The following PHTF2 variants were observed in gnomAD, a reference collection of about 807,000 sequenced individuals.
The protein encoded by PHTF2 is protein PHTF2.
In PHTF2, 60 loss-of-function variants were observed where a neutral mutation model predicts 101.2. The ratio of observed to expected loss-of-function variants is 0.59; its 90% CI spans 0.48 to 0.73. PHTF2 has a LOEUF of 0.73. PHTF2 is among the 30% of genes least tolerant of loss of function. PHTF2 has a pLI of 0.00. For synonymous variants in PHTF2, 311 were observed against 307.3 expected (o/e 1.01, Z -0.13); for missense variants, 747 against 908.7 (o/e 0.82, Z 2.29).
chr7:77,861,512 T>C lies in PHTF2; in HGVS notation c.147+6678T>C, dbSNP rs527999827. Reference sequence around the variant, plus strand: ...ACCATTTTCTAATATTTTCCTGATTTGTGGTGGTTATTGTCTATTATGACT... The same window carrying C: ...ACCATTTTCTAATATTTTCCTGATTCGTGGTGGTTATTGTCTATTATGACT... On this transcript the variant is annotated intron_variant, in intron 3 of 19. Coordinates refer to ENST00000416283, the Ensembl canonical transcript of PHTF2. Among the ~76,000 whole-genome samples, 6 of 152,322 alleles carry C rather than the reference T, an allele frequency of 3.9e-5. No homozygotes were observed. The East Asian group carries it at 1.2e-3, about 29-fold the overall frequency.
At chr7:77,907,629 A>G (rs1279624917) in intron 7 of PHTF2, among the ~76,000 whole-genome samples, 1 of 152,160 alleles carries the variant, frequency 6.6e-6, no homozygotes, top group Non-Finnish European at 1.5e-5. Flanking sequence ...TAGATGGTAA[A>G]TTACATGGTC....
intron 3 of PHTF2, among the ~76,000 whole-genome samples, chr7:77,857,145 A>G (rs559595163): frequency 6.6e-6 from 1 of 152,298 alleles, no homozygotes; most frequent in Admixed American, 6.5e-5. Flanking sequence ...GCAGTGACCT[A>G]AGCTGTCCTT....
chr7:77,889,577 CTT>C (rs1167785916), intron 3 of PHTF2, among the ~76,000 whole-genome samples: 3 of 117,928 alleles, frequency 2.5e-5, no homozygotes, highest in African/African-American at 6.2e-5. Flanking sequence ...GTAGTATTTT[CTT>C]TTTTTTTTTT....
At chr7:77,871,044 C>T (rs183468573) in intron 3 of PHTF2, among the ~76,000 whole-genome samples, 7 of 152,324 alleles carry the variant, frequency 4.6e-5, no homozygotes, top group Admixed American at 3.3e-4. Context: ...ATCGTGTGGT[C>T]GTAGCTGGTA....
chr7:77,917,343 T>A (rs1402051861), intron 9 of PHTF2, among the ~76,000 whole-genome samples: 2 of 152,186 alleles, frequency 1.3e-5, no homozygotes, highest in Non-Finnish European at 2.9e-5. Flanking sequence ...GAGTAGTATA[T>A]AGAAACCAAA....
intron 2 of PHTF2, among the ~76,000 whole-genome samples, chr7:77,853,706 AT>A (rs1191960353): frequency 1.3e-5 from 2 of 151,230 alleles, no homozygotes; most frequent in African/African-American, 2.4e-5. Flanking sequence ...TCAGCTCTAG[AT>A]TTTTTTTTCT....
Position 77,901,931 on chromosome 7 carries a change from G to A in PHTF2, c.445+11G>A. The A allele has an allele frequency of 2.6e-6, 4 of 1,528,974 alleles. No homozygotes were observed. Among genetic ancestry groups the A allele is most frequent in the Non-Finnish European group, 3.5e-6 (4 of 1,134,678 alleles). 94.7% of individuals were successfully genotyped at this position (1,528,974 alleles called of 1,614,324 possible). On this transcript the variant is annotated intron_variant, in intron 7 of 19. Transcript: ENST00000416283. ...TTTATCTTCTTCAAGGTATAATTAAGTGATTTTTGCTTTTACTTTTCAGAA... is the reference window on the plus strand; with the variant it reads ...TTTATCTTCTTCAAGGTATAATTAAATGATTTTTGCTTTTACTTTTCAGAA...
At chr7:77,925,049 A>G (rs1803830668) in intron 11 of PHTF2, among the ~76,000 whole-genome samples, 1 of 152,142 alleles carries the variant, frequency 6.6e-6, no homozygotes, top group African/African-American at 2.4e-5. Flanking sequence ...GTTCAGCTCT[A>G]CAAATATTGT....
At chr7:77,956,810 A>C (rs1019291481) in exon 20 of PHTF2, 2 of 152,510 alleles carry the variant, frequency 1.3e-5, no homozygotes, top group African/African-American at 4.8e-5. Context: ...CAGAATGGAA[A>C]TATTTTTGAG....
intron 3 of PHTF2, among the ~76,000 whole-genome samples, chr7:77,892,256 C>T (rs950008657): frequency 1.3e-5 from 2 of 152,170 alleles, no homozygotes; most frequent in Non-Finnish European, 2.9e-5. Flanking sequence ...CACCACTGTA[C>T]TCCAGCCTGG....
intron 1 of PHTF2, among the ~76,000 whole-genome samples, chr7:77,838,141 G>A (rs1795611104): frequency 6.6e-6 from 1 of 152,150 alleles, no homozygotes; most frequent in South Asian, 2.1e-4. Flanking sequence ...AGTGTGTATT[G>A]AATAGTCCCC....
intron 16 of PHTF2, among the ~76,000 whole-genome samples, chr7:77,946,087 C>T (rs1404785054): frequency 6.6e-6 from 1 of 152,040 alleles, no homozygotes; most frequent in African/African-American, 2.4e-5. Context: ...AAGATGAAGC[C>T]AGAAAGTGAA....
chr7:77,939,197 T>C (rs1805419412), intron 13 of PHTF2, among the ~76,000 whole-genome samples: 1 of 152,212 alleles, frequency 6.6e-6, no homozygotes, highest in South Asian at 2.1e-4. Context: ...TTTTTTAAAA[T>C]AATTCCCTCA....
chr7:77,906,361 C>G (rs1422386325), intron 7 of PHTF2: 1 of 152,136 alleles, frequency 6.6e-6, no homozygotes. Flanking sequence ...GGAGGAAAAG[C>G]TACTGTCTCA....
At chr7:77,909,171 T>A in intron 8 of PHTF2, 2 of 248,560 alleles carry the variant, frequency 8.0e-6, no homozygotes, top group Non-Finnish European at 1.5e-5. Context: ...TTTTGTTTCT[T>A]TTTTTTTTTT....
At chr7:77,799,376 G>C (rs2150446269) in intron 1 of PHTF2, among the ~76,000 whole-genome samples, 1 of 152,306 alleles carries the variant, frequency 6.6e-6, no homozygotes, top group South Asian at 2.1e-4. Context: ...CAGGGGTCTC[G>C]GGTGGCTAGC....
chr7:77,923,524 A>G, intron 11 of PHTF2: 1 of 984,552 alleles, frequency 1.0e-6, no homozygotes, highest in African/African-American at 1.7e-5. Flanking sequence ...AAGAGTTACT[A>G]TTCTTTGCAC....
intron 3 of PHTF2, among the ~76,000 whole-genome samples, chr7:77,881,596 C>G (rs758696554): frequency 6.6e-6 from 1 of 151,642 alleles, no homozygotes; most frequent in Non-Finnish European, 1.5e-5. Flanking sequence ...GTCTTGAACT[C>G]CTAGACTCAA....
intron 16 of PHTF2, among the ~76,000 whole-genome samples, chr7:77,944,017 A>G (rs949214965): frequency 1.4e-5 from 2 of 148,092 alleles, no homozygotes; most frequent in East Asian, 3.9e-4. Flanking sequence ...ACAAACAAAT[A>G]AAAAAAAAAA....
Sources: allele counts gnomAD v4.1 joint callset (sites outside exome capture counted in the v4.1 genomes callset), GRCh38; gene constraint gnomAD v4.1.1; transcripts MANE v1.5; gene names NCBI Gene and HGNC (gene_info 2026-07-23, HGNC 2026-07-21).